The following ZNF679 variants were observed in gnomAD, a reference collection of about 807,000 sequenced individuals.
The protein encoded by ZNF679 is zinc finger protein 679.
A neutral mutation model predicts 13.4 loss-of-function variants in ZNF679; 10 were observed. That is an observed-to-expected ratio of 0.75 (90% CI 0.46 to 1.27). ZNF679 has a LOEUF of 1.27. Ranked by LOEUF, ZNF679 falls within the 50% of genes most tolerant of loss-of-function variation. ZNF679 has a pLI of 0.00. For synonymous variants in ZNF679, 179 were observed against 162.5 expected, an observed-to-expected ratio of 1.10 and a Z score of -0.77; for missense variants, 525 against 477.8, an observed-to-expected ratio of 1.10 and a Z score of -0.92.
chr7:64,264,420 T>C (rs1788117662), intron 4 of ZNF679, among the ~76,000 whole-genome samples: 1 of 152,084 alleles, frequency 6.6e-6, no homozygotes, highest in Non-Finnish European at 1.5e-5. Flanking sequence ...ATGATCACAA[T>C]AATACCACAG....
chr7:64,249,030 C>T lies in ZNF679; in HGVS notation c.-88C>T. 2 of 1,588,446 alleles carry T rather than the reference C, an allele frequency of 1.3e-6. No homozygotes were observed. Among genetic ancestry groups the T allele is most frequent in the Non-Finnish European group, 1.7e-6 (2 of 1,163,412 alleles). ...CCTTTGTGTTTCTCTGCGTCCAGAG[C>T]TCCAGTTCTTCTCTTCACTGCTCTG... On this transcript the variant is annotated splice_region_variant and 5_prime_UTR_variant, in exon 2 of 5. Coordinates refer to ENST00000421025, the MANE Select transcript of ZNF679 (RefSeq NM_153363.3).
rs189566121 is a variant in ZNF679 at position 64,241,165 on chromosome 7, C to T, written c.-90-7863C>T. Among the ~76,000 whole-genome samples, 291 of 152,316 alleles carry T rather than the reference C, an allele frequency of 1.9e-3. 4 individuals are homozygous for T. The Middle Eastern group carries it at 0.034, about 18-fold the overall frequency. On this transcript the variant is annotated intron_variant, in intron 1 of 4. Coordinates refer to ENST00000421025, the MANE Select transcript of ZNF679 (RefSeq NM_153363.3). The stretch of plus-strand genomic sequence containing the variant: ...CTCTGTAGCACTTGAGGGCTTCATA[C>T]AACGTGCATGCAAGTCATAATAGTC...
intron 4 of ZNF679, among the ~76,000 whole-genome samples, chr7:64,261,950 G>A (rs563919210): frequency 6.7e-6 from 1 of 150,178 alleles, no homozygotes; most frequent in South Asian, 2.1e-4. Context: ...TCTGCCTCCC[G>A]GGTTCAAATG....
At chr7:64,259,047 G>A (rs1484113726) in intron 2 of ZNF679, among the ~76,000 whole-genome samples, 1 of 151,946 alleles carries the variant, frequency 6.6e-6, no homozygotes, top group Non-Finnish European at 1.5e-5. Context: ...TAGTATCTGG[G>A]ATTACAGGTG....
At chr7:64,259,438 TC>T (rs1788046350) in intron 2 of ZNF679, among the ~76,000 whole-genome samples, 1 of 152,144 alleles carries the variant, frequency 6.6e-6, no homozygotes, top group African/African-American at 2.4e-5. Flanking sequence ...CTCTATTAGT[TC>T]CATGCAGAAC....
chr7:64,266,835 T>C lies in ZNF679; in HGVS notation c.1202T>C (p.Met401Thr). The C allele has an allele frequency of 3.1e-6, 5 of 1,592,234 alleles. No individual in the cohort carries two copies. The highest frequency in any genetic ancestry group is 4.3e-6 in the Non-Finnish European group (5 of 1,168,530). ...WSSSLANHKS[M>T]HTGEKPYKCE ...TCAAGTCTTGCTAATCATAAGAGTA[T>C]GCATACTGGAGAGAAACCCTACAAA... Residue 401 changes from methionine (M) to threonine (T), a missense_variant, in exon 5 of 5, where the codon ATG becomes ACG. Met to Thr is a moderately conservative substitution (Grantham distance 81, BLOSUM62 -1). Transcript: ENST00000421025.
At chr7:64,233,099 G>T (rs759517271) in intron 1 of ZNF679, among the ~76,000 whole-genome samples, 2 of 151,966 alleles carry the variant, frequency 1.3e-5, no homozygotes, top group Admixed American at 6.6e-5. Context: ...AAATTAGCTG[G>T]GAGTGGTGGT....
chr7:64,255,025 A>C (rs993683471), intron 2 of ZNF679, among the ~76,000 whole-genome samples: 3 of 150,292 alleles, frequency 2.0e-5, no homozygotes, highest in Non-Finnish European at 4.5e-5. Flanking sequence ...AAAGAAAAAA[A>C]ATTGCTTCCT....
At chr7:64,234,069 C>T (rs143930680) in intron 1 of ZNF679, among the ~76,000 whole-genome samples, 1 of 152,078 alleles carries the variant, frequency 6.6e-6, no homozygotes, top group East Asian at 2.0e-4. Flanking sequence ...ACCACAGCGA[C>T]TGGGTGTTTG....
Position 64,266,579 on chromosome 7 carries a change from A to G in ZNF679, c.946A>G (p.Arg316Gly). Residue 316 changes from arginine (R) to glycine (G), a missense_variant, in exon 5 of 5, where the codon AGA becomes GGA. Physicochemically the swap from Arg to Gly is moderately radical, Grantham distance 125 (BLOSUM62 -2). Transcript: ENST00000421025. Reference sequence around the variant, plus strand: ...ATCCTCATCCCTCACTTACCACAAGAGAATTCATACTGGAGAGAAACCCTA... The same window carrying G: ...ATCCTCATCCCTCACTTACCACAAGGGAATTCATACTGGAGAGAAACCCTA... Reference protein sequence around the residue: ...SLSSSLTYHKRIHTGEKPYTC... With the variant: ...SLSSSLTYHKGIHTGEKPYTC... 6.2e-7 allele frequency: 1 copy of G among 1,607,776 alleles called. No homozygotes were observed. The highest frequency in any genetic ancestry group is 1.1e-5 in the South Asian group (1 of 90,828).
At chr7:64,236,878 GAGAA>G (rs1410797266) in intron 1 of ZNF679, among the ~76,000 whole-genome samples, 11 of 117,292 alleles carry the variant, frequency 9.4e-5, no homozygotes, top group African/African-American at 1.2e-4. Context: ...AAAGAAGAAA[GAGAA>G]AGAAAGAAAA....
In ZNF679 at chr7:64,234,500, G is replaced by A. The variant is rs897714556; in HGVS notation, c.-91+5848G>A. Among the ~76,000 whole-genome samples, 67 of 152,112 alleles carry A rather than the reference G, an allele frequency of 4.4e-4. 1 individual carries two copies. The highest frequency in any genetic ancestry group is 1.8e-4 in the Non-Finnish European group (12 of 68,028). The stretch of plus-strand genomic sequence containing the variant: ...CAGAGAGCGGGTCCTAGCTAGCAGC[G>A]AGCAAGGGAACAAGGATCCCAGTCC... On this transcript the variant is annotated intron_variant, in intron 1 of 4. Coordinates refer to ENST00000421025, the MANE Select transcript of ZNF679 (RefSeq NM_153363.3).
intron 1 of ZNF679, among the ~76,000 whole-genome samples, chr7:64,236,865 AAGAAAGAAGAAAG>A: frequency 7.3e-6 from 1 of 137,366 alleles, no homozygotes; most frequent in Non-Finnish European, 1.6e-5. Flanking sequence ...GAAAGAAAAA[AAGAAAGAAGAAAG>A]AGAAAGAAAG....
intron 4 of ZNF679, among the ~76,000 whole-genome samples, chr7:64,264,114 A>T (rs1299500473): frequency 2.6e-5 from 4 of 152,050 alleles, no homozygotes; most frequent in Non-Finnish European, 5.9e-5. Flanking sequence ...GACTTATTTT[A>T]CCATTATATA....
chr7:64,245,421 A>AAGAGAGAG lies in ZNF679; in HGVS notation c.-90-3592_-90-3585dup, dbSNP rs372896063. 1.4e-3 allele frequency among the ~76,000 whole-genome samples: 117 copies of AAGAGAGAG among 81,374 alleles called. 1 individual carries two copies. Among genetic ancestry groups the AAGAGAGAG allele is most frequent in the African/African-American group, 6.8e-3 (88 of 13,012 alleles). 53.4% of individuals were successfully genotyped at this position (81,374 alleles called of 152,430 possible). On this transcript the variant is annotated intron_variant, in intron 1 of 4. Coordinates refer to ENST00000421025, the MANE Select transcript of ZNF679 (RefSeq NM_153363.3). The stretch of plus-strand genomic sequence containing the variant: ...AAAAGATAGGAAAGGGAGAGAGAGA[A>AAGAGAGAG]AGAGAGAGAGAGAGAGAGAGAGGGA...
At chr7:64,247,031 T>C (rs1179224515) in intron 1 of ZNF679, among the ~76,000 whole-genome samples, 3 of 152,184 alleles carry the variant, frequency 2.0e-5, no homozygotes, top group Non-Finnish European at 4.4e-5. Flanking sequence ...GTAAGGTCAC[T>C]TTCTGATGTT....
chr7:64,259,505 G>C (rs1488980618), intron 2 of ZNF679, among the ~76,000 whole-genome samples: 1 of 152,118 alleles, frequency 6.6e-6, no homozygotes, highest in Non-Finnish European at 1.5e-5. Flanking sequence ...AGAAAGTTCT[G>C]AAAAAACCTA....
rs183736848 is a variant in ZNF679 at position 64,230,662 on chromosome 7, G to A, written c.-91+2010G>A. On this transcript the variant is annotated intron_variant, in intron 1 of 4. Coordinates refer to ENST00000421025, the MANE Select transcript of ZNF679 (RefSeq NM_153363.3). ...TCCAGGCAAAATAATCAAATATCAT[G>A]AGCTGGGCCAAGGTATATGTCACAA... is the stretch of plus-strand genomic sequence containing the variant. 2.1e-3 allele frequency among the ~76,000 whole-genome samples: 324 copies of A among 152,126 alleles called. 5 individuals carry two copies. Among genetic ancestry groups the A allele is most frequent in the African/African-American group, 7.2e-3 (299 of 41,512 alleles).
At chr7:64,238,507 C>T (rs1787755527) in intron 1 of ZNF679, among the ~76,000 whole-genome samples, 1 of 152,246 alleles carries the variant, frequency 6.6e-6, no homozygotes, top group South Asian at 2.1e-4. Flanking sequence ...CCTGCCTTCG[C>T]CTCCCGAGTA....
Sources: gnomAD v4.1 joint callset for allele counts (sites outside exome capture counted in the v4.1 genomes callset) on GRCh38, gnomAD v4.1.1 for gene constraint, MANE v1.5 for transcripts, NCBI Gene and HGNC (gene_info 2026-07-23, HGNC 2026-07-21) for gene names.